PATJ: variants seen among roughly 807,000 people sequenced by gnomAD.
PATJ encodes the protein inaD-like protein.
A neutral mutation model predicts 224.9 loss-of-function variants in PATJ; 190 were observed. That is an observed-to-expected ratio of 0.84 (90% CI 0.75 to 0.95). The LOEUF (loss-of-function observed/expected upper bound fraction) is 0.95, where lower values mean the gene tolerates loss of function less well. Among genes scored for constraint, PATJ ranks in the 40% least tolerant of loss-of-function variants. The pLI, the probability that PATJ is intolerant of heterozygous loss-of-function variation, is 0.00. For missense variants in PATJ, 2,121 were observed against 2,270.3 expected (o/e 0.93, Z 1.34); for synonymous variants, 769 against 820.3 (o/e 0.94, Z 1.07).
At chr1:62,005,242 T>G (rs1646019336) in intron 28 of PATJ, among the ~76,000 whole-genome samples, 1 of 151,966 alleles carries the variant, frequency 6.6e-6, no homozygotes, top group African/African-American at 2.4e-5. Context: ...TTCAAGCTAT[T>G]CTTGTGCCTC....
intron 41 of PATJ, among the ~76,000 whole-genome samples, chr1:62,142,859 G>A (rs961140533): frequency 6.6e-6 from 1 of 152,116 alleles, no homozygotes; most frequent in Admixed American, 6.6e-5. Context: ...GCTATGGAGG[G>A]AACTTTATAT....
intron 27 of PATJ, among the ~76,000 whole-genome samples, chr1:61,956,945 C>T (rs1680522950): frequency 1.3e-5 from 2 of 152,194 alleles, no homozygotes; most frequent in African/African-American, 4.8e-5. Context: ...TTCCATTCTT[C>T]AGTCCCCCTT....
intron 39 of PATJ, among the ~76,000 whole-genome samples, chr1:62,127,323 T>C (rs1006603376): frequency 6.6e-6 from 1 of 152,158 alleles, no homozygotes; most frequent in Non-Finnish European, 1.5e-5. Context: ...TGCAGGGTTG[T>C]GGTTTTTGCA....
At chr1:61,953,313 C>A (rs912363486) in intron 27 of PATJ, among the ~76,000 whole-genome samples, 1 of 152,134 alleles carries the variant, frequency 6.6e-6, no homozygotes, top group Non-Finnish European at 1.5e-5. Flanking sequence ...TATAGCCTTT[C>A]TTTTTATTTT....
rs890409563 is a variant in PATJ at position 61,957,962 on chromosome 1, CTACCTAAT to C, written c.3670+30134_3670+30141del. Among the ~76,000 whole-genome samples, 532 of 152,254 alleles carry C rather than the reference CTACCTAAT, an allele frequency of 3.5e-3. 2 individuals carry two copies. The highest frequency in any genetic ancestry group is 0.012 in the African/African-American group (501 of 41,552). On this transcript the variant is annotated intron_variant, in intron 27 of 43. Coordinates refer to ENST00000642238, the MANE Select transcript of PATJ (RefSeq NM_001350145.3). Reference sequence around the variant, plus strand: ...TTCTACAAACCAAGGATAATGCTACCTACCTAATAAGGTTTTCCTGGTGATTAAATGGC... The same window carrying C: ...TTCTACAAACCAAGGATAATGCTACCAAGGTTTTCCTGGTGATTAAATGGC...
intron 31 of PATJ, among the ~76,000 whole-genome samples, chr1:62,062,392 C>CTTTTTTTGTTTTTTTT (rs1655641579): frequency 3.5e-5 from 1 of 28,458 alleles, no homozygotes; most frequent in Non-Finnish European, 5.9e-5. Context: ...ATGTTGTCTT[C>CTTTTTTTGTTTTTTTT]TTTTTTTTTT....
chr1:61,899,623 C>A lies in PATJ; in HGVS notation c.3172C>A (p.Pro1058Thr), dbSNP rs756556810. The change falls in exon 23 of 44, where the codon CCA (proline) becomes ACA (threonine). Residue 1058 changes from proline (P) to threonine (T), a missense_variant. Pro to Thr is a conservative substitution (Grantham distance 38). Transcript: ENST00000642238. ...AGAAGAAGGCGAAGGAGAAGAAACT[C>A]CAAATTTTAGCCACTGGGGTCCACC... Reference protein sequence around the residue: ...EREEGEGEETPNFSHWGPPRI... With the variant: ...EREEGEGEETTNFSHWGPPRI... The A allele has an allele frequency of 1.2e-6, 2 of 1,611,452 alleles. No homozygotes were observed. Among genetic ancestry groups the A allele is most frequent in the Non-Finnish European group, 1.7e-6 (2 of 1,179,110 alleles).
In PATJ at chr1:61,914,602, C is replaced by A; in HGVS notation, c.3508C>A (p.His1170Asn). 1.3e-6 allele frequency: 2 copies of A among 1,561,342 alleles called. No homozygotes were observed. The highest frequency in any genetic ancestry group is 2.2e-5 in the East Asian group (1 of 44,474). Residue 1170 changes from histidine to asparagine, a missense_variant, in exon 26 of 44, where the codon CAT (histidine) becomes AAT (asparagine). Coordinates refer to ENST00000642238, the MANE Select transcript of PATJ (RefSeq NM_001350145.3). The part of the protein sequence containing the change: ...SSTPRVIPNV[H>N]NKANKITGNQ... ...GTCACCATAGGTCATTCCTAACGTA[C>A]ATAACAAGGCCAACAAAATCACCGG...
In PATJ at chr1:61,917,385, C is replaced by A. The variant is rs141089046; in HGVS notation, c.3570+2721C>A. On this transcript the variant is annotated intron_variant, in intron 26 of 43. Coordinates refer to ENST00000642238, the MANE Select transcript of PATJ (RefSeq NM_001350145.3). The stretch of plus-strand genomic sequence containing the variant: ...GGTTAAGGAAATACTCTCTTTCATT[C>A]CTACTTTGCTAAGAATTTTTACCAT... 4.3e-3 allele frequency among the ~76,000 whole-genome samples: 661 copies of A among 152,234 alleles called. 3 individuals carry two copies. The highest frequency in any genetic ancestry group is 0.031 in the Middle Eastern group (9 of 294).
At chr1:61,939,438 G>A (rs1197927275) in intron 27 of PATJ, among the ~76,000 whole-genome samples, 4 of 151,064 alleles carry the variant, frequency 2.6e-5, no homozygotes, top group Admixed American at 1.3e-4. Context: ...AACAAAATAA[G>A]TTATATTTGG....
At chr1:62,079,873 G>A (rs1373559527) in intron 32 of PATJ, among the ~76,000 whole-genome samples, 1 of 151,710 alleles carries the variant, frequency 6.6e-6, no homozygotes, top group African/African-American at 2.4e-5. Context: ...CTAAAAATAC[G>A]AAAAATTAGC....
intron 41 of PATJ, among the ~76,000 whole-genome samples, chr1:62,142,630 G>T (rs944117625): frequency 6.6e-6 from 1 of 152,218 alleles, no homozygotes; most frequent in African/African-American, 2.4e-5. Flanking sequence ...CATGCACATA[G>T]ATGCTAATCA....
intron 27 of PATJ, among the ~76,000 whole-genome samples, chr1:61,947,392 G>A (rs536587135): frequency 1.1e-4 from 16 of 152,232 alleles, no homozygotes; most frequent in African/African-American, 2.9e-4. Flanking sequence ...AAATCACTGT[G>A]CAAAAATCAC....
Position 61,899,665 on chromosome 1 carries a change from G to T in PATJ, c.3203+11G>T. 1.3e-6 allele frequency: 2 copies of T among 1,589,148 alleles called. No homozygotes were observed. The highest frequency in any genetic ancestry group is 2.2e-5 in the South Asian group (2 of 89,436). On this transcript the variant is annotated intron_variant, in intron 23 of 43. Transcript: ENST00000642238. Reference sequence around the variant, plus strand: ...GGGTCCACCGAGAATGTATGTGGATGACATTATTGTGGCTTTCTCAATAGG... The same window carrying T: ...GGGTCCACCGAGAATGTATGTGGATTACATTATTGTGGCTTTCTCAATAGG...
intron 3 of PATJ, among the ~76,000 whole-genome samples, chr1:61,763,854 C>T (rs1570335113): frequency 6.6e-6 from 1 of 151,992 alleles, no homozygotes; most frequent in Non-Finnish European, 1.5e-5. Context: ...GGCAGGGTCT[C>T]CCTATGTTGC....
intron 27 of PATJ, among the ~76,000 whole-genome samples, chr1:61,959,426 T>TATATATATA (rs371038532): frequency 1.2e-3 from 123 of 99,660 alleles, no homozygotes; most frequent in African/African-American, 3.8e-3. Flanking sequence ...ATATAATATA[T>TATATATATA]TTTTTTTCTT....
intron 30 of PATJ, among the ~76,000 whole-genome samples, chr1:62,048,632 ACCTGGTGTT>A (rs1489361247): frequency 3.9e-5 from 6 of 151,916 alleles, no homozygotes; most frequent in African/African-American, 1.4e-4. Flanking sequence ...AGTTAACTGT[ACCTGGTGTT>A]ATGCAAATGG....
At position 61,833,724 on chromosome 1, in the gene PATJ, T is replaced by G; in HGVS notation, c.2051T>G (p.Val684Gly). 1 of 1,613,698 alleles carries G rather than the reference T, an allele frequency of 6.2e-7. No individual in the cohort carries two copies. The highest frequency in any genetic ancestry group is 8.5e-7 in the Non-Finnish European group (1 of 1,179,674). ...DGELALWSPE[V>G]KIVELVKDCK... is the part of the protein sequence containing the mutation. The stretch of plus-strand genomic sequence containing the variant: ...GAATTAGCACTGTGGTCCCCTGAAG[T>G]CAAGATTGTTGAACTAGTAAAAGAT... The change falls in exon 17 of 44, where the codon GTC (valine) becomes GGC (glycine). Residue 684 changes from valine to glycine, a missense_variant. Transcript: ENST00000642238.
intron 6 of PATJ, 79 bp downstream of exon 6, chr1:61,771,705 G>A (rs773733044): frequency 2.7e-4 from 282 of 1,030,470 alleles, no homozygotes; most frequent in Non-Finnish European, 3.4e-4. Context: ...TTTAGAAGGT[G>A]TCATTTTACC....
Sources: allele counts gnomAD v4.1 joint callset (sites outside exome capture counted in the v4.1 genomes callset), GRCh38; gene constraint gnomAD v4.1.1; transcripts MANE v1.5; gene names NCBI Gene and HGNC (gene_info 2026-07-23, HGNC 2026-07-21).